NBEA: variants seen among roughly 807,000 people sequenced by gnomAD.
NBEA encodes lysosomal-trafficking regulator 2.
A neutral mutation model predicts 343.4 loss-of-function variants in NBEA; 44 were observed. That is an observed-to-expected ratio of 0.13 (90% CI 0.10 to 0.16). The LOEUF (loss-of-function observed/expected upper bound fraction) is 0.16. Ranked by LOEUF, NBEA falls within the 10% of genes least tolerant of loss-of-function variation. The pLI is 1.00. For synonymous variants in NBEA, 1,175 were observed against 1,238.7 expected, an observed-to-expected ratio of 0.95 and a Z score of 1.08; for missense variants, 2,555 against 3,631.3, an observed-to-expected ratio of 0.70 and a Z score of 7.62.
At chr13:35,227,021 GCTTTAT>G (rs1194594661) in intron 33 of NBEA, among the ~76,000 whole-genome samples, 3 of 151,958 alleles carry the variant, frequency 2.0e-5, no homozygotes, top group African/African-American at 7.2e-5. Context: ...GTCTTCTATA[GCTTTAT>G]CTACTTTTTT....
intron 10 of NBEA, among the ~76,000 whole-genome samples, chr13:35,074,567 C>A (rs1338536511): frequency 6.6e-6 from 1 of 152,090 alleles, no homozygotes; most frequent in Non-Finnish European, 1.5e-5. Context: ...CAAATTTGGG[C>A]TCAAATCCCT....
intron 38 of NBEA, among the ~76,000 whole-genome samples, chr13:35,412,282 A>T (rs566735015): frequency 4.6e-5 from 7 of 151,836 alleles, no homozygotes; most frequent in Non-Finnish European, 1.0e-4. Context: ...AGGACACAAG[A>T]CATGTTAACT....
chr13:35,241,337 A>G (rs1403124924), intron 34 of NBEA, among the ~76,000 whole-genome samples: 2 of 151,856 alleles, frequency 1.3e-5, no homozygotes, highest in Admixed American at 6.6e-5. Context: ...ATACGTGAAC[A>G]GTGGATCTAG....
intron 41 of NBEA, among the ~76,000 whole-genome samples, chr13:35,543,935 T>C (rs892512321): frequency 2.0e-5 from 3 of 152,086 alleles, no homozygotes; most frequent in Non-Finnish European, 4.4e-5. Flanking sequence ...AGATCGACTT[T>C]CCTTCAGGGC....
chr13:35,032,437 C>T (rs536072927), intron 1 of NBEA, among the ~76,000 whole-genome samples: 1 of 151,832 alleles, frequency 6.6e-6, no homozygotes, highest in East Asian at 1.9e-4. Flanking sequence ...TTGTTGGCCA[C>T]ACTTATGTCT....
At chr13:35,235,073 A>AT (rs1455875430) in intron 34 of NBEA, among the ~76,000 whole-genome samples, 2 of 152,198 alleles carry the variant, frequency 1.3e-5, no homozygotes, top group Non-Finnish European at 2.9e-5. Flanking sequence ...CAAGCCATGT[A>AT]TAAAAACCTT....
intron 8 of NBEA, among the ~76,000 whole-genome samples, chr13:35,062,615 A>T (rs1429998576): frequency 6.6e-6 from 1 of 151,892 alleles, no homozygotes. Context: ...AGACATTGAT[A>T]AGGGAACAAT....
At chr13:35,652,565 T>C (rs1279232597) in intron 53 of NBEA, among the ~76,000 whole-genome samples, 2 of 142,152 alleles carry the variant, frequency 1.4e-5, no homozygotes, top group Non-Finnish European at 3.0e-5. Flanking sequence ...GGCGTGAACC[T>C]GGGAGGCGGA....
chr13:35,109,184 A>G, intron 11 of NBEA, 106 bp from the exon 12 acceptor site: 1 of 931,282 alleles, frequency 1.1e-6, no homozygotes, highest in Non-Finnish European at 1.5e-6. Flanking sequence ...TTTCATATTT[A>G]TTAGGGATAG....
At chr13:35,153,036 CTTT>C (rs1170584559) in intron 18 of NBEA, among the ~76,000 whole-genome samples, 1 of 123,358 alleles carries the variant, frequency 8.1e-6, no homozygotes, top group African/African-American at 3.0e-5. Context: ...TACATAGGTT[CTTT>C]TTTTTTTTTT....
At chr13:35,584,278 T>G (rs1250875568) in intron 46 of NBEA, among the ~76,000 whole-genome samples, 4 of 151,896 alleles carry the variant, frequency 2.6e-5, no homozygotes, top group Non-Finnish European at 5.9e-5. Context: ...CCAAACCAGT[T>G]GTCCAGTTAT....
At chr13:35,059,722 T>C (rs554505856) in intron 8 of NBEA, among the ~76,000 whole-genome samples, 1 of 149,444 alleles carries the variant, frequency 6.7e-6, no homozygotes, top group Admixed American at 6.8e-5. Context: ...TATTTTTGCA[T>C]TGGTATTTCT....
At chr13:34,949,065 G>C (rs1262829484) in intron 1 of NBEA, among the ~76,000 whole-genome samples, 1 of 152,186 alleles carries the variant, frequency 6.6e-6, no homozygotes, top group African/African-American at 2.4e-5. Flanking sequence ...AGTTCTGTCT[G>C]ATAAGCTTCT....
intron 38 of NBEA, among the ~76,000 whole-genome samples, chr13:35,367,034 G>A (rs541036747): frequency 2.2e-4 from 34 of 151,224 alleles, no homozygotes; most frequent in Non-Finnish European, 4.5e-4. Flanking sequence ...CTTTTTGAAC[G>A]ATATTTTGTA....
intron 38 of NBEA, among the ~76,000 whole-genome samples, chr13:35,383,931 A>G (rs1205031386): frequency 6.6e-6 from 1 of 152,016 alleles, no homozygotes; most frequent in Non-Finnish European, 1.5e-5. Context: ...TATGTTTGGC[A>G]TAGTGATGAA....
chr13:35,482,045 T>G (rs1286139435), intron 41 of NBEA, among the ~76,000 whole-genome samples: 1 of 151,832 alleles, frequency 6.6e-6, no homozygotes, highest in East Asian at 1.9e-4. Context: ...GACTAGAATA[T>G]GGTACATAGA....
At chr13:35,192,672 A>G (rs1489629579) in intron 30 of NBEA, among the ~76,000 whole-genome samples, 1 of 151,988 alleles carries the variant, frequency 6.6e-6, no homozygotes, top group Non-Finnish European at 1.5e-5. Flanking sequence ...AGTTTCAACT[A>G]TCTAGTTAGA....
At chr13:35,571,907 G>A (rs1415542937) in intron 45 of NBEA, among the ~76,000 whole-genome samples, 1 of 151,818 alleles carries the variant, frequency 6.6e-6, no homozygotes, top group Non-Finnish European at 1.5e-5. Flanking sequence ...ATTCTTACTT[G>A]TTCTTTGGCC....
At chr13:35,211,971 C>G (rs79726151) in intron 33 of NBEA, among the ~76,000 whole-genome samples, 6,817 of 151,722 alleles carry the variant, frequency 0.045, 179 homozygotes, top group South Asian at 0.079. Flanking sequence ...GACTGGCCCT[C>G]ATTCTTGGAG....
Sources: gnomAD v4.1 joint callset for allele counts (sites outside exome capture counted in the v4.1 genomes callset) on GRCh38, gnomAD v4.1.1 for gene constraint, MANE v1.5 for transcripts, NCBI Gene and HGNC (gene_info 2026-07-23, HGNC 2026-07-21) for gene names.